The following CEP128 variants were observed in gnomAD, a reference collection of about 807,000 sequenced individuals.
CEP128 encodes centrosomal protein 128kDa.
Under a neutral mutation model 156.7 loss-of-function variants are expected in CEP128, and 132 were observed. The ratio of observed to expected loss-of-function variants is 0.84; its 90% CI spans 0.73 to 0.97. CEP128 has a LOEUF of 0.97. Ranked by LOEUF, CEP128 falls within the 50% of genes least tolerant of loss-of-function variation. The probability of loss-of-function intolerance (pLI) is 0.00; values close to 1 mark genes in which losing one functional copy is unlikely to be tolerated. For missense variants in CEP128, 1,252 were observed against 1,281.9 expected, an observed-to-expected ratio of 0.98 and a Z score of 0.36; for synonymous variants, 469 against 448.9, an observed-to-expected ratio of 1.04 and a Z score of -0.57.
At chr14:80,804,104 TAAAG>T (rs1008940495) in intron 13 of CEP128, among the ~76,000 whole-genome samples, 1 of 147,914 alleles carries the variant, frequency 6.8e-6, no homozygotes, top group African/African-American at 2.4e-5. Context: ...TTACAGAACA[TAAAG>T]AATAATTTTA....
Position 80,522,934 on chromosome 14 carries a change from A to G in CEP128, c.3072+3935T>C, listed in dbSNP as rs183927244. Among the ~76,000 whole-genome samples, 388 of 152,352 alleles carry G rather than the reference A, an allele frequency of 2.5e-3. 4 individuals are homozygous for G. Among genetic ancestry groups the G allele is most frequent in the African/African-American group, 8.8e-3 (366 of 41,584 alleles). On this transcript the variant is annotated intron_variant, in intron 23 of 24. Transcript: ENST00000555265. ...CCAGTTAGCTTGGTCAACTTAAGACAATATTACATTATGCTCTCACAATTG... is the reference window on the plus strand; with the variant it reads ...CCAGTTAGCTTGGTCAACTTAAGACGATATTACATTATGCTCTCACAATTG...
chr14:80,539,131 G>C (rs536118190), intron 21 of CEP128, among the ~76,000 whole-genome samples: 1 of 152,256 alleles, frequency 6.6e-6, no homozygotes, highest in Admixed American at 6.5e-5. Context: ...CTGTTCTAGA[G>C]GTGAAAAGGT....
At chr14:80,499,088 C>T (rs1887622818) in intron 24 of CEP128, among the ~76,000 whole-genome samples, 2 of 152,204 alleles carry the variant, frequency 1.3e-5, no homozygotes, top group Admixed American at 1.3e-4. Flanking sequence ...AGAGAGACTG[C>T]ACTTTCATAG....
At chr14:80,850,220 C>G (rs57316907) in intron 9 of CEP128, among the ~76,000 whole-genome samples, 2 of 152,022 alleles carry the variant, frequency 1.3e-5, no homozygotes, top group Non-Finnish European at 2.9e-5. Context: ...AGGGTAACAC[C>G]GTTTCAAATT....
upstream of CEP128, among the ~76,000 whole-genome samples, chr14:80,946,554 A>G (rs534507886): frequency 1.5e-3 from 235 of 152,258 alleles, no homozygotes; most frequent in African/African-American, 5.5e-3. Context: ...CATACGAAAC[A>G]TTAAATACCT....
intron 14 of CEP128, 53 bp downstream of exon 14, chr14:80,792,707 A>G: frequency 7.0e-7 from 1 of 1,433,254 alleles, no homozygotes; most frequent in Non-Finnish European, 9.7e-7. Context: ...GGATAGATGA[A>G]TGAATGGTTG....
intron 19 of CEP128, among the ~76,000 whole-genome samples, chr14:80,582,977 T>C (rs1247189754): frequency 4.6e-5 from 7 of 152,166 alleles, no homozygotes; most frequent in Non-Finnish European, 1.0e-4. Flanking sequence ...CAACTTAGTA[T>C]GGCAAGTCCA....
chr14:80,921,831 C>T (rs984557099), intron 2 of CEP128, among the ~76,000 whole-genome samples: 2 of 151,862 alleles, frequency 1.3e-5, no homozygotes, highest in Non-Finnish European at 2.9e-5. Flanking sequence ...GGCATGGCGG[C>T]GTGCGCCTGT....
chr14:80,514,194 A>C (rs1888386225), intron 23 of CEP128, among the ~76,000 whole-genome samples: 1 of 152,146 alleles, frequency 6.6e-6, no homozygotes, highest in Admixed American at 6.5e-5. Flanking sequence ...AACCAAACCA[A>C]TGTATTTGAT....
At chr14:80,867,808 A>C (rs1360695400) in intron 8 of CEP128, among the ~76,000 whole-genome samples, 1 of 152,220 alleles carries the variant, frequency 6.6e-6, no homozygotes, top group Non-Finnish European at 1.5e-5. Context: ...TAAAGAAATA[A>C]TAGCAGAAAA....
chr14:80,826,005 C>G (rs969185681), intron 13 of CEP128, among the ~76,000 whole-genome samples: 2 of 150,220 alleles, frequency 1.3e-5, no homozygotes, highest in Non-Finnish European at 2.9e-5. Context: ...ACTCAGGATG[C>G]TGAAGCAGGA....
chr14:80,640,788 C>G (rs76237525), intron 19 of CEP128, among the ~76,000 whole-genome samples: 163 of 152,230 alleles, frequency 1.1e-3, no homozygotes, highest in Middle Eastern at 3.4e-3. Flanking sequence ...GCTGATTTTA[C>G]GATCAAAATT....
At chr14:80,847,067 T>C (rs936919364) in intron 9 of CEP128, among the ~76,000 whole-genome samples, 1 of 152,142 alleles carries the variant, frequency 6.6e-6, no homozygotes, top group Non-Finnish European at 1.5e-5. Context: ...AAGTACAAGG[T>C]TGAAAGAGAC....
rs537644096 is a variant in CEP128 at position 80,637,324 on chromosome 14, C to T, written c.2807-56901G>A. Among the ~76,000 whole-genome samples the T allele has an allele frequency of 1.7e-3, 253 of 151,968 alleles. 5 individuals carry two copies. The Middle Eastern group carries it at 0.028, about 17-fold the overall frequency. ...GATATGGCAATTTGTCCTGGATTACCGAGGATGACCTAATGTAATCAGGAA... is the reference window on the plus strand; with the variant it reads ...GATATGGCAATTTGTCCTGGATTACTGAGGATGACCTAATGTAATCAGGAA... On this transcript the variant is annotated intron_variant, in intron 19 of 24. Coordinates refer to ENST00000555265, the MANE Select transcript of CEP128 (RefSeq NM_152446.5).
At chr14:80,738,382 GAA>G (rs1455946286) in intron 19 of CEP128, among the ~76,000 whole-genome samples, 1 of 152,062 alleles carries the variant, frequency 6.6e-6, no homozygotes, top group African/African-American at 2.4e-5. Flanking sequence ...AAAACCAGCT[GAA>G]AAGTTTCTCA....
intron 19 of CEP128, among the ~76,000 whole-genome samples, chr14:80,681,340 C>T (rs1043840666): frequency 5.9e-5 from 9 of 152,144 alleles, no homozygotes; most frequent in Admixed American, 3.3e-4. Flanking sequence ...ACTGGCACCA[C>T]GAAAAATCTG....
intron 17 of CEP128, among the ~76,000 whole-genome samples, chr14:80,759,633 A>T (rs1315247836): frequency 6.6e-6 from 1 of 152,088 alleles, no homozygotes; most frequent in Non-Finnish European, 1.5e-5. Context: ...AAATTAATAG[A>T]ATTTCCTTTC....
chr14:80,504,732 T>C (rs779786627), intron 24 of CEP128, among the ~76,000 whole-genome samples, 180 bp downstream of exon 24: 1 of 152,252 alleles, frequency 6.6e-6, no homozygotes, highest in Non-Finnish European at 1.5e-5. Context: ...GGAGGGATTC[T>C]ACATATTTTT....
At chr14:80,709,993 T>TA (rs571951948) in intron 19 of CEP128, among the ~76,000 whole-genome samples, 11,172 of 146,370 alleles carry the variant, frequency 0.076, 1,181 homozygotes, top group African/African-American at 0.24. Context: ...GGAATTGTCT[T>TA]AAAAAAAAAA....
Sources: gnomAD v4.1 joint callset for allele counts (sites outside exome capture counted in the v4.1 genomes callset) on GRCh38, gnomAD v4.1.1 for gene constraint, MANE v1.5 for transcripts, NCBI Gene and HGNC (gene_info 2026-07-23, HGNC 2026-07-21) for gene names.